RIT2: variants seen among roughly 807,000 people sequenced by gnomAD.
RIT2 encodes GTP-binding protein Rit2.
RIT2 carries 24 observed loss-of-function variants against 23.7 expected under a neutral mutation model. The observed-to-expected ratio is 1.01, with a 90% CI of 0.73 to 1.43. The LOEUF (loss-of-function observed/expected upper bound fraction) is 1.43, where lower values mean the gene tolerates loss of function less well. Among genes scored for constraint, RIT2 ranks in the 40% most tolerant of loss-of-function variants. The probability of loss-of-function intolerance (pLI) is 0.00; values close to 1 mark genes in which losing one functional copy is unlikely to be tolerated. For synonymous variants in RIT2, 107 were observed against 91.1 expected, an observed-to-expected ratio of 1.17 and a Z score of -0.99; for missense variants, 236 against 266.9, an observed-to-expected ratio of 0.88 and a Z score of 0.81.
intron 4 of RIT2, among the ~76,000 whole-genome samples, chr18:42,867,436 C>A (rs557154823): frequency 6.6e-5 from 10 of 152,104 alleles, no homozygotes; most frequent in East Asian, 1.9e-4. Context: ...GCAATATACT[C>A]TAATTATAAT....
intron 1 of RIT2, among the ~76,000 whole-genome samples, chr18:43,061,360 A>G (rs536261204): frequency 1.3e-5 from 2 of 152,134 alleles, no homozygotes; most frequent in South Asian, 4.1e-4. Context: ...ATTCACAGAA[A>G]GCTCAGGGCC....
At chr18:43,086,495 T>C (rs1343877730) in intron 1 of RIT2, among the ~76,000 whole-genome samples, 1 of 152,178 alleles carries the variant, frequency 6.6e-6, no homozygotes, top group Non-Finnish European at 1.5e-5. Context: ...AATTTACATG[T>C]GAATAGCAGG....
At chr18:42,819,833 G>A (rs1481300092) in intron 4 of RIT2, among the ~76,000 whole-genome samples, 2 of 152,084 alleles carry the variant, frequency 1.3e-5, no homozygotes, top group African/African-American at 2.4e-5. Flanking sequence ...TGATACTAAT[G>A]TGGGTAGAGT....
chr18:42,974,043 G>C (rs369651401), intron 3 of RIT2, 31 bp downstream of exon 3: 115 of 1,466,556 alleles, frequency 7.8e-5, no homozygotes, highest in Non-Finnish European at 1.0e-4. Context: ...AATAAACTCA[G>C]AGATTGGAGA....
intron 1 of RIT2, among the ~76,000 whole-genome samples, chr18:43,105,397 A>T (rs759184977): frequency 2.2e-5 from 3 of 134,280 alleles, no homozygotes; most frequent in African/African-American, 8.3e-5. Context: ...ACTCTTCCCT[A>T]TGTTACAGAG....
chr18:42,864,473 G>C (rs959236641), intron 4 of RIT2, among the ~76,000 whole-genome samples: 4 of 152,158 alleles, frequency 2.6e-5, no homozygotes, highest in Admixed American at 2.0e-4. Flanking sequence ...GGAAGTCAGA[G>C]CTGCTGTTCT....
intron 4 of RIT2, among the ~76,000 whole-genome samples, chr18:42,763,086 ACT>A (rs1281667254): frequency 1.3e-5 from 2 of 152,206 alleles, no homozygotes; most frequent in Non-Finnish European, 2.9e-5. Flanking sequence ...TGTGCTGAAT[ACT>A]GTGGGCAATT....
chr18:42,791,823 T>C (rs76492454), intron 4 of RIT2, among the ~76,000 whole-genome samples: 16 of 152,332 alleles, frequency 1.1e-4, no homozygotes, highest in African/African-American at 3.8e-4. Flanking sequence ...TACTATTGAT[T>C]CCAGCTATGA....
intron 4 of RIT2, among the ~76,000 whole-genome samples, chr18:42,874,563 A>G (rs1308140192): frequency 6.6e-6 from 1 of 152,106 alleles, no homozygotes; most frequent in Non-Finnish European, 1.5e-5. Context: ...CTTAATTTCT[A>G]TTTATGTATG....
chr18:42,861,627 T>G (rs1176726523), intron 4 of RIT2, among the ~76,000 whole-genome samples: 1 of 152,232 alleles, frequency 6.6e-6, no homozygotes, highest in Non-Finnish European at 1.5e-5. Context: ...CCCCATCTCT[T>G]TCTGACCATG....
At chr18:42,842,713 C>G (rs556712062) in intron 4 of RIT2, among the ~76,000 whole-genome samples, 1 of 152,088 alleles carries the variant, frequency 6.6e-6, no homozygotes, top group African/African-American at 2.4e-5. Flanking sequence ...TGTACCAACA[C>G]GATGCCACAA....
At chr18:42,841,521 C>A (rs1210890817) in intron 4 of RIT2, among the ~76,000 whole-genome samples, 2 of 152,044 alleles carry the variant, frequency 1.3e-5, no homozygotes, top group African/African-American at 4.8e-5. Flanking sequence ...AAATATATCA[C>A]CCATAATTTT....
chr18:42,869,619 T>G (rs545542062), intron 4 of RIT2, among the ~76,000 whole-genome samples: 1 of 152,338 alleles, frequency 6.6e-6, no homozygotes, highest in East Asian at 1.9e-4. Flanking sequence ...ATGTAAAAGT[T>G]GTTTGAACCC....
chr18:42,920,863 C>T (rs1487778587), intron 4 of RIT2: 13 of 803,782 alleles, frequency 1.6e-5, no homozygotes, highest in Admixed American at 1.4e-4. Flanking sequence ...TTAACTTTAT[C>T]ACTCTAGGAA....
At chr18:42,923,439 T>G (rs1485569371) in intron 4 of RIT2, 133 bp downstream of exon 4, 1 of 790,370 alleles carries the variant, frequency 1.3e-6, no homozygotes, top group Non-Finnish European at 2.1e-6. Context: ...GGGACCACCA[T>G]GACTTATTAG....
rs193265808 is a variant in RIT2 at position 43,061,366 on chromosome 18, G to T, written c.104-27499C>A. On this transcript the variant is annotated intron_variant, in intron 1 of 4. Coordinates refer to ENST00000326695, the MANE Select transcript of RIT2 (RefSeq NM_002930.4). ...TATTAACATATTCACAGAAAGCTCA[G>T]GGCCCTGTTATCCCTTGTAGAAACA... Among the ~76,000 whole-genome samples, 493 of 152,120 alleles carry T rather than the reference G, an allele frequency of 3.2e-3. 3 individuals are homozygous for T. The highest frequency in any genetic ancestry group is 0.011 in the African/African-American group (476 of 41,496).
intron 3 of RIT2, among the ~76,000 whole-genome samples, chr18:42,927,089 A>G (rs145747940): frequency 6.6e-6 from 1 of 152,122 alleles, no homozygotes; most frequent in African/African-American, 2.4e-5. Flanking sequence ...AATCAAGCCT[A>G]TTATTATCTC....
intron 4 of RIT2, among the ~76,000 whole-genome samples, chr18:42,825,217 T>C (rs1476888678): frequency 6.6e-6 from 1 of 151,814 alleles, no homozygotes; most frequent in Admixed American, 6.6e-5. Context: ...TATAAGTATA[T>C]GGAGAATATG....
intron 1 of RIT2, among the ~76,000 whole-genome samples, chr18:43,109,272 C>T (rs1362221408): frequency 6.6e-6 from 1 of 152,204 alleles, no homozygotes; most frequent in Non-Finnish European, 1.5e-5. Flanking sequence ...AAAGAATTCA[C>T]AATGGAAACA....
Sources: allele counts gnomAD v4.1 joint callset (sites outside exome capture counted in the v4.1 genomes callset), GRCh38; gene constraint gnomAD v4.1.1; transcripts MANE v1.5; gene names NCBI Gene and HGNC (gene_info 2026-07-23, HGNC 2026-07-21).